The following SERF2 variants were observed in gnomAD, a reference collection of about 807,000 sequenced individuals.
SERF2 encodes gastric cancer-related protein VRG107.
SERF2 carries 4 observed loss-of-function variants against 10.7 expected under a neutral mutation model. The observed-to-expected ratio is 0.37, with a 90% CI of 0.18 to 0.86. The LOEUF is 0.86. SERF2 is among the 40% of genes least tolerant of loss of function. The pLI is 0.43. For synonymous variants in SERF2, 26 were observed against 26.0 expected, an observed-to-expected ratio of 1.00 and a Z score of 0.01; for missense variants, 47 against 79.1, an observed-to-expected ratio of 0.59 and a Z score of 1.54.
upstream of SERF2, among the ~76,000 whole-genome samples, chr15:43,788,540 G>A (rs981303744): frequency 4.9e-4 from 75 of 152,240 alleles, no homozygotes; most frequent in African/African-American, 1.8e-3. Context: ...GGAGTGCAGT[G>A]GCGTGATCAT....
In SERF2 at chr15:43,794,779, T is replaced by C; in HGVS notation, c.*1006T>C. 3.9e-6 allele frequency: 2 copies of C among 517,378 alleles called. No individual in the cohort carries two copies. Among genetic ancestry groups the C allele is most frequent in the Middle Eastern group, 5.1e-4 (1 of 1,970 alleles). The allele number at this position is 517,378 out of a possible 1,614,324, so 32.0% of individuals were successfully genotyped here. A position where few individuals can be genotyped will look rare whatever the true frequency, so the allele number is the denominator to read the frequency against. On this transcript the variant is annotated 3_prime_UTR_variant, in exon 3 of 3. Coordinates refer to ENST00000249786, the MANE Select transcript of SERF2 (RefSeq NM_001018108.4). ...AGCTGCTGATTTGGGTGTTAGGCTC[T>C]TGAGCTGGGATGCAGATGTAACAGT... is the stretch of plus-strand genomic sequence containing the variant.
chr15:43,777,342 C>T, exon 1 of SERF2: 1 of 334,050 alleles, frequency 3.0e-6, no homozygotes, highest in Non-Finnish European at 6.0e-6. Flanking sequence ...GGAGAAAGGG[C>T]CTGGTTGGTA....
chr15:43,792,205 C>T, upstream of SERF2: 2 of 659,616 alleles, frequency 3.0e-6, no homozygotes, highest in Non-Finnish European at 5.5e-6. Flanking sequence ...CCGGCTCAAG[C>T]ACGACCCGTG....
At chr15:43,786,519 G>T (rs1255784142) in intron 2 of SERF2, among the ~76,000 whole-genome samples, 1 of 151,772 alleles carries the variant, frequency 6.6e-6, no homozygotes, top group Non-Finnish European at 1.5e-5. Flanking sequence ...TAAGGCCTAA[G>T]TTCATCTAAT....
exon 1 of SERF2, chr15:43,777,386 G>GA: frequency 3.3e-6 from 1 of 304,398 alleles, no homozygotes; most frequent in Admixed American, 4.3e-5. Context: ...AGTTAGCCCC[G>GA]AGCTTCGGAG....
At chr15:43,788,910 G>A (rs1164178309), upstream of SERF2, among the ~76,000 whole-genome samples, 6 of 152,258 alleles carry the variant, frequency 3.9e-5, no homozygotes, top group South Asian at 2.1e-4. Flanking sequence ...AGCACTTTGG[G>A]AGGCTGAGGT....
chr15:43,792,361 A>G lies in SERF2; in HGVS notation c.-16A>G. On this transcript the variant is annotated 5_prime_UTR_variant, in exon 1 of 3. Coordinates refer to ENST00000249786, the MANE Select transcript of SERF2 (RefSeq NM_001018108.4). ...AGGGGACGTAACGGAGGCAGGTTGG[A>G]GCCGCTGCCGTCGCCATGACCCGTG... The G allele has an allele frequency of 3.7e-6, 6 of 1,605,778 alleles. No homozygotes were observed. The highest frequency in any genetic ancestry group is 5.1e-6 in the Non-Finnish European group (6 of 1,172,612).
At chr15:43,786,380 A>G (rs550959169) in intron 2 of SERF2, among the ~76,000 whole-genome samples, 236 of 142,834 alleles carry the variant, frequency 1.7e-3, no homozygotes, top group Non-Finnish European at 2.8e-3. Flanking sequence ...ATGCCACTGC[A>G]CTCCAGCCTG....
intron 1 of SERF2, among the ~76,000 whole-genome samples, chr15:43,784,712 TC>T (rs1293596298): frequency 6.6e-6 from 1 of 151,936 alleles, no homozygotes; most frequent in East Asian, 1.9e-4. Flanking sequence ...TGCCTCAGCC[TC>T]CCAAAGTGCT....
At chr15:43,792,481 A>T (rs2087084822) in intron 1 of SERF2, 98 bp downstream of exon 1, 1 of 1,603,094 alleles carries the variant, frequency 6.2e-7, no homozygotes, top group African/African-American at 1.3e-5. Flanking sequence ...CTTCCCTAGC[A>T]AGGCGTTTCT....
intron 1 of SERF2, among the ~76,000 whole-genome samples, chr15:43,783,927 A>ATTTTTTTTTTTTTTTTTTT (rs71111825): frequency 1.0e-4 from 5 of 48,140 alleles, no homozygotes; most frequent in Non-Finnish European, 1.5e-4. Flanking sequence ...ACGCCCAGCT[A>ATTTTTTTTTTTTTTTTTTT]TTTTTTTTTT....
chr15:43,780,440 C>T (rs566842597), intron 1 of SERF2, among the ~76,000 whole-genome samples: 9 of 152,202 alleles, frequency 5.9e-5, no homozygotes, highest in Non-Finnish European at 5.9e-5. Context: ...CCGCGCCCTG[C>T]GATCTTGACT....
upstream of SERF2, chr15:43,792,019 T>C (rs1050188032): frequency 1.1e-5 from 5 of 442,004 alleles, no homozygotes; most frequent in Non-Finnish European, 2.1e-5. Context: ...ATGAGGTCAC[T>C]CTGCACGGTC....
At chr15:43,781,660 C>T (rs908057237) in intron 1 of SERF2, among the ~76,000 whole-genome samples, 53 of 151,042 alleles carry the variant, frequency 3.5e-4, no homozygotes, top group African/African-American at 1.2e-3. Flanking sequence ...GGTACAATCC[C>T]GGCTCACTGA....
rs764346378 is a variant in SERF2, at chr15:43,795,016, T to C, written c.*1243T>C. ...GAAAAGGACTTAGACTGGAGGATATTTGTTATCTGGGGATATGATGCGGTG... is the reference window on the plus strand; with the variant it reads ...GAAAAGGACTTAGACTGGAGGATATCTGTTATCTGGGGATATGATGCGGTG... On this transcript the variant is annotated 3_prime_UTR_variant, in exon 3 of 3. Coordinates refer to ENST00000249786, the MANE Select transcript of SERF2 (RefSeq NM_001018108.4). The C allele has an allele frequency of 6.2e-7, 1 of 1,611,100 alleles. No homozygotes were observed. Among genetic ancestry groups the C allele is most frequent in the African/African-American group, 1.3e-5 (1 of 74,776 alleles).
chr15:43,792,744 G>T (rs1288904362), intron 1 of SERF2: 3 of 799,758 alleles, frequency 3.8e-6, no homozygotes, highest in Non-Finnish European at 5.7e-6. Context: ...CCCAAAACAC[G>T]CCTCCAGCTG....
In SERF2 at chr15:43,794,104, C is replaced by G; in HGVS notation, c.*331C>G. 1 of 826,126 alleles carries G rather than the reference C, an allele frequency of 1.2e-6. No homozygotes were observed. Among genetic ancestry groups the G allele is most frequent in the South Asian group, 1.9e-5 (1 of 51,734 alleles). 51.2% of individuals were successfully genotyped at this position (826,126 alleles called of 1,614,324 possible). A position where few individuals can be genotyped will look rare whatever the true frequency, so the allele number is the denominator to read the frequency against. On this transcript the variant is annotated 3_prime_UTR_variant, in exon 3 of 3. Coordinates refer to ENST00000249786, the MANE Select transcript of SERF2 (RefSeq NM_001018108.4). ...GGATGGGGTTGGAAGAATGACTGCC[C>G]TTTCCCACCAAAAAAGGGAGAACTC...
rs1440457995 is a variant in SERF2, at chr15:43,795,135, C to A, written c.*1362C>A. On this transcript the variant is annotated 3_prime_UTR_variant, in exon 3 of 3. Coordinates refer to ENST00000249786, the MANE Select transcript of SERF2 (RefSeq NM_001018108.4). ...GCCCCAGATAGAGGAGTACGCAGGC[C>A]CAGCATGAGGCAACCTTGACCCAGA... 6.2e-7 allele frequency: 1 copy of A among 1,614,060 alleles called. No homozygotes were observed.
chr15:43,795,937 A>T lies in SERF2; in HGVS notation c.*2164A>T. On this transcript the variant is annotated 3_prime_UTR_variant, in exon 3 of 3. Coordinates refer to ENST00000249786, the MANE Select transcript of SERF2 (RefSeq NM_001018108.4). ...TTGTGCCTCGATTTCTCCATTTGTA[A>T]AATGGAGCAAATACCTACCTCACAG... 1 of 642,394 alleles carries T rather than the reference A, an allele frequency of 1.6e-6. No individual in the cohort carries two copies. Among genetic ancestry groups the T allele is most frequent in the Non-Finnish European group, 2.7e-6 (1 of 367,966 alleles). The allele number at this position is 642,394 out of a possible 1,614,324, so 39.8% of individuals were successfully genotyped here.
Sources: allele counts gnomAD v4.1 joint callset (sites outside exome capture counted in the v4.1 genomes callset), GRCh38; gene constraint gnomAD v4.1.1; transcripts MANE v1.5; gene names NCBI Gene and HGNC (gene_info 2026-07-23, HGNC 2026-07-21).